Variants in PCDHGA1 observed in about 807,000 individuals in gnomAD.
PCDHGA1 encodes the protein protocadherin gamma-A1.
PCDHGA1 carries 32 observed loss-of-function variants against 58.0 expected under a neutral mutation model. The observed-to-expected ratio is 0.55, with a 90% CI of 0.42 to 0.74. The LOEUF (loss-of-function observed/expected upper bound fraction) is 0.74, where lower values mean the gene tolerates loss of function less well. PCDHGA1 is among the 30% of genes least tolerant of loss of function. PCDHGA1 has a pLI of 0.00. For missense variants in PCDHGA1, 1,205 were observed against 1,182.3 expected, an observed-to-expected ratio of 1.02 and a Z score of -0.28; for synonymous variants, 498 against 501.1, an observed-to-expected ratio of 0.99 and a Z score of 0.08.
At chr5:141,380,946 C>A (rs555019785) in intron 1 of PCDHGA1, among the ~76,000 whole-genome samples, 2 of 152,328 alleles carry the variant, frequency 1.3e-5, no homozygotes, top group East Asian at 3.8e-4. Flanking sequence ...CTTGCCTCAA[C>A]AAGAAGTTCA....
rs1350353768 is a variant in PCDHGA1, at chr5:141,476,524, T to A, written c.2422-18283T>A. Reference sequence around the variant, plus strand: ...TCAACGACAACAATCCTGCTTTCCCTACCCAGGAAATGAAATTGGAGATTA... The same window carrying A: ...TCAACGACAACAATCCTGCTTTCCCAACCCAGGAAATGAAATTGGAGATTA... On this transcript the variant is annotated intron_variant, in intron 1 of 3. Coordinates refer to ENST00000517417, the MANE Select transcript of PCDHGA1 (RefSeq NM_018912.3). The surrounding 1 kb of genome is among the most constrained non-coding windows in gnomAD (Gnocchi z 7.6). The A allele has an allele frequency of 1.2e-5, 20 of 1,614,064 alleles. No homozygotes were observed. The highest frequency in any genetic ancestry group is 1.7e-5 in the Non-Finnish European group (20 of 1,180,036).
At position 141,418,250 on chromosome 5, in the gene PCDHGA1, C is replaced by T. The variant is rs375149538; in HGVS notation, c.2422-76557C>T. ...GATTGAGGATGTTAATGACCACGCC[C>T]CTCAATTCCGGAAAGATGAAATAAA... On this transcript the variant is annotated intron_variant, in intron 1 of 3. Transcript: ENST00000517417. The T allele has an allele frequency of 2.5e-5, 40 of 1,613,876 alleles. No individual in the cohort carries two copies. The African/African-American group carries it at 3.6e-4, about 15-fold the overall frequency.
chr5:141,343,952 T>C, intron 1 of PCDHGA1: 1 of 1,324,366 alleles, frequency 7.6e-7, no homozygotes. Context: ...CGTAAAAGAC[T>C]TCGTTTCTTG....
Position 141,511,176 on chromosome 5 carries a change from T to C in PCDHGA1, c.*3T>C, listed in dbSNP as rs375508988. On this transcript the variant is annotated 3_prime_UTR_variant, in exon 4 of 4. Transcript: ENST00000517417. ...CGGGCAAGAAGGAGAAGAAGTAACA[T>C]GGAGGCCAGGCCAAGAGCCACAGGG... 198 of 1,614,046 alleles carry C rather than the reference T, an allele frequency of 1.2e-4. 1 individual carries two copies. The highest frequency in any genetic ancestry group is 6.5e-5 in the Non-Finnish European group (77 of 1,179,964).
At chr5:141,399,922 T>C in intron 1 of PCDHGA1, 1 of 1,612,334 alleles carries the variant, frequency 6.2e-7, no homozygotes, top group African/African-American at 1.3e-5. Flanking sequence ...ACACAACGCC[T>C]GGCTGTCCTA....
At chr5:141,478,785 A>C in intron 1 of PCDHGA1, 1 of 1,482,486 alleles carries the variant, frequency 6.7e-7, no homozygotes, top group Non-Finnish European at 9.0e-7. Flanking sequence ...GACCTAATTC[A>C]CATCCTCAGC....
At chr5:141,457,318 C>T (rs990268003) in intron 1 of PCDHGA1, among the ~76,000 whole-genome samples, 3 of 152,238 alleles carry the variant, frequency 2.0e-5, no homozygotes, top group South Asian at 2.1e-4. Context: ...AAGAAACCTC[C>T]GGGTTACAGG....
At chr5:141,348,702 G>T (rs1313395015) in intron 1 of PCDHGA1, among the ~76,000 whole-genome samples, 1 of 152,082 alleles carries the variant, frequency 6.6e-6, no homozygotes, top group Non-Finnish European at 1.5e-5. Context: ...GAATGGGCAA[G>T]AATCCACTAC....
rs58019021 is a variant in PCDHGA1, at chr5:141,500,184, T to TTTTATTTATTTA, written c.2481-5178_2481-5167dup. Among the ~76,000 whole-genome samples, 232 of 135,962 alleles carry TTTTATTTATTTA rather than the reference T, an allele frequency of 1.7e-3. 1 individual carries two copies. The highest frequency in any genetic ancestry group is 6.4e-3 in the South Asian group (27 of 4,202). The allele number at this position is 135,962 out of a possible 152,430, so 89.2% of individuals were successfully genotyped here. A position where few individuals can be genotyped will look rare whatever the true frequency, so the allele number is the denominator to read the frequency against. The stretch of plus-strand genomic sequence containing the variant: ...GAACATGCATGAGCTTCATTTTTAT[T>TTTTATTTATTTA]TTTATTTATTTATTTATTTATTTAT... On this transcript the variant is annotated intron_variant, in intron 2 of 3. Transcript: ENST00000517417.
chr5:141,388,843 G>C (rs750672396), intron 1 of PCDHGA1: 1 of 1,614,002 alleles, frequency 6.2e-7, no homozygotes, highest in Admixed American at 1.7e-5. Flanking sequence ...TTGGAAGCAA[G>C]GGACGGTGGA....
At chr5:141,361,527 C>A (rs780371360) in intron 1 of PCDHGA1, 1 of 1,614,060 alleles carries the variant, frequency 6.2e-7, no homozygotes, top group Admixed American at 1.7e-5. Context: ...TGGCAGAGAA[C>A]AATCCTCCTG....
chr5:141,421,640 A>T (rs367946949), intron 1 of PCDHGA1: 1 of 1,613,716 alleles, frequency 6.2e-7, no homozygotes, highest in Non-Finnish European at 8.5e-7. Context: ...CAGGAGGACG[A>T]AGTGGAGATA....
intron 1 of PCDHGA1, chr5:141,360,183 A>G: frequency 6.2e-7 from 1 of 1,611,000 alleles, no homozygotes; most frequent in Non-Finnish European, 8.5e-7. Context: ...GGCTGCAGGT[A>G]CTGTTGCCCT....
chr5:141,379,268 T>C (rs1775481611), intron 1 of PCDHGA1: 1 of 152,258 alleles, frequency 6.6e-6, no homozygotes, highest in Non-Finnish European at 1.5e-5. Flanking sequence ...GGAATTGTTA[T>C]AGATTTATTT....
intron 1 of PCDHGA1, chr5:141,397,913 G>C (rs1429104427): frequency 1.4e-6 from 1 of 691,886 alleles, no homozygotes; most frequent in African/African-American, 1.8e-5. Flanking sequence ...TGGCGCTCCA[G>C]ATCTCCTCGC....
chr5:141,458,698 T>C (rs1258294275), intron 1 of PCDHGA1, among the ~76,000 whole-genome samples: 1 of 152,054 alleles, frequency 6.6e-6, no homozygotes, highest in East Asian at 1.9e-4. Context: ...GCCTCCCGAG[T>C]AGCTGGGATT....
At chr5:141,481,193 A>AT (rs1437708630) in intron 1 of PCDHGA1, among the ~76,000 whole-genome samples, 4 of 152,216 alleles carry the variant, frequency 2.6e-5, no homozygotes, top group African/African-American at 7.2e-5. Context: ...GCCAGGCCCA[A>AT]TTTTTTTAAA....
chr5:141,398,752 C>G lies in PCDHGA1; in HGVS notation c.2421+65647C>G, dbSNP rs1196162576. On this transcript the variant is annotated intron_variant, in intron 1 of 3. Coordinates refer to ENST00000517417, the MANE Select transcript of PCDHGA1 (RefSeq NM_018912.3). ...AGACCGGGAACAACAGAGTTACCAT[C>G]GTTTAGTCCTGACTGCCTTGGACGG... is the stretch of plus-strand genomic sequence containing the variant. The G allele has an allele frequency of 7.4e-6, 12 of 1,613,482 alleles. No homozygotes were observed. In the South Asian group the frequency reaches 1.2e-4, roughly 16 times the overall value.
At chr5:141,409,863 A>G in intron 1 of PCDHGA1, 3 of 1,612,376 alleles carry the variant, frequency 1.9e-6, no homozygotes, top group Non-Finnish European at 2.5e-6. Flanking sequence ...TTGGTGGGAG[A>G]CCGCAATGAC....
Sources: allele counts gnomAD v4.1 joint callset (sites outside exome capture counted in the v4.1 genomes callset), GRCh38; gene constraint gnomAD v4.1.1; non-coding constraint Gnocchi (gnomAD v3.1); transcripts MANE v1.5; gene names NCBI Gene and HGNC (gene_info 2026-07-23, HGNC 2026-07-21).